The following DNAAF9 variants were observed in gnomAD, a reference collection of about 807,000 sequenced individuals.
DNAAF9 encodes the protein shulin.
A neutral mutation model predicts 167.0 loss-of-function variants in DNAAF9; 90 were observed. The observed-to-expected ratio is 0.54, with a 90% CI of 0.45 to 0.64. DNAAF9 has a LOEUF of 0.64. DNAAF9 is among the 30% of genes least tolerant of loss of function. DNAAF9 has a pLI of 0.00. For missense variants in DNAAF9, 1,315 were observed against 1,442.2 expected (o/e 0.91, Z 1.43); for synonymous variants, 491 against 508.8 (o/e 0.96, Z 0.47).
intron 29 of DNAAF9, among the ~76,000 whole-genome samples, chr20:3,276,094 G>A (rs2068671576): frequency 6.6e-6 from 1 of 152,160 alleles, no homozygotes; most frequent in South Asian, 2.1e-4. Context: ...TTTTCTAACT[G>A]GAAAATAATC....
chr20:3,308,951 T>G (rs367669647), intron 20 of DNAAF9, among the ~76,000 whole-genome samples: 1 of 152,174 alleles, frequency 6.6e-6, no homozygotes, highest in African/African-American at 2.4e-5. Context: ...CCCACATTCA[T>G]GACCTCATCT....
At chr20:3,365,543 C>T (rs1184375432) in intron 6 of DNAAF9, among the ~76,000 whole-genome samples, 1 of 152,202 alleles carries the variant, frequency 6.6e-6, no homozygotes, top group Admixed American at 6.5e-5. Flanking sequence ...AGGGGCATAC[C>T]ACCATGCCCA....
At chr20:3,271,709 C>A (rs148004164) in intron 29 of DNAAF9, among the ~76,000 whole-genome samples, 2 of 151,666 alleles carry the variant, frequency 1.3e-5, no homozygotes. Context: ...ACAGTCTCCA[C>A]CTCCCATGTT....
At chr20:3,284,626 T>C (rs2068820329) in intron 27 of DNAAF9, among the ~76,000 whole-genome samples, 1 of 152,232 alleles carries the variant, frequency 6.6e-6, no homozygotes, top group Admixed American at 6.5e-5. Flanking sequence ...CTTAACTTTC[T>C]TTTCTCTGAA....
intron 1 of DNAAF9, among the ~76,000 whole-genome samples, 186 bp downstream of exon 1, chr20:3,407,289 G>A (rs1325589617): frequency 1.3e-5 from 2 of 152,220 alleles, no homozygotes; most frequent in African/African-American, 4.8e-5. Context: ...GTTGTCCAAA[G>A]GGGAGCCATT....
At chr20:3,393,434 C>T (rs1224030004) in intron 1 of DNAAF9, among the ~76,000 whole-genome samples, 1 of 152,096 alleles carries the variant, frequency 6.6e-6, no homozygotes, top group Non-Finnish European at 1.5e-5. Context: ...ACTGCTTGAG[C>T]CCAGGAGGTT....
intron 12 of DNAAF9, among the ~76,000 whole-genome samples, chr20:3,327,315 C>G (rs1180337314): frequency 6.6e-6 from 1 of 152,072 alleles, no homozygotes; most frequent in Non-Finnish European, 1.5e-5. Flanking sequence ...TGGTAGCATT[C>G]CAGTTGTGAT....
At chr20:3,369,809 T>C (rs1426977196) in intron 6 of DNAAF9, among the ~76,000 whole-genome samples, 1 of 152,252 alleles carries the variant, frequency 6.6e-6, no homozygotes, top group East Asian at 1.9e-4. Context: ...TTATCAATTA[T>C]GATTTCCTAG....
At chr20:3,328,483 G>A (rs1347471083) in intron 12 of DNAAF9, among the ~76,000 whole-genome samples, 1 of 152,038 alleles carries the variant, frequency 6.6e-6, no homozygotes, top group Non-Finnish European at 1.5e-5. Flanking sequence ...CACTGCACCC[G>A]GCCTCTGTTG....
intron 8 of DNAAF9, 80 bp from the exon 9 acceptor site, chr20:3,343,811 G>A (rs2070133992): frequency 2.2e-5 from 22 of 1,004,422 alleles, no homozygotes; most frequent in Non-Finnish European, 3.5e-5. Context: ...ATGTATGTAT[G>A]TACACACATG....
At chr20:3,296,202 A>G in intron 23 of DNAAF9, 1 of 543,814 alleles carries the variant, frequency 1.8e-6, no homozygotes, top group South Asian at 1.5e-5. Context: ...CTAGGAGGTC[A>G]AGGCTGCAGT....
chr20:3,401,488 C>T lies in DNAAF9; in HGVS notation c.83+5987G>A, dbSNP rs539639270. The stretch of plus-strand genomic sequence containing the variant: ...GTGCCGGGATTACAGGCATAAGCCA[C>T]AGCACCCGGCTGATGAACCACTTTC... On this transcript the variant is annotated intron_variant, in intron 1 of 36. Coordinates refer to ENST00000252032, the MANE Select transcript of DNAAF9 (RefSeq NM_001009984.3). Among the ~76,000 whole-genome samples the T allele has an allele frequency of 5.3e-5, 8 of 152,340 alleles. No individual in the cohort carries two copies. In the South Asian group the frequency reaches 6.2e-4, roughly 12 times the overall value.
At chr20:3,314,210 A>C (rs1158189024) in intron 20 of DNAAF9, among the ~76,000 whole-genome samples, 1 of 152,042 alleles carries the variant, frequency 6.6e-6, no homozygotes, top group East Asian at 1.9e-4. Flanking sequence ...GAGATTTTAG[A>C]TATTTAAGCC....
chr20:3,327,175 C>A (rs759260156), intron 12 of DNAAF9, among the ~76,000 whole-genome samples: 28 of 152,268 alleles, frequency 1.8e-4, no homozygotes, highest in Non-Finnish European at 3.8e-4. Flanking sequence ...TTCAGGGAAC[C>A]ACCTAAGGTG....
chr20:3,364,307 T>A (rs780581508), intron 6 of DNAAF9, among the ~76,000 whole-genome samples: 1 of 152,220 alleles, frequency 6.6e-6, no homozygotes, highest in Non-Finnish European at 1.5e-5. Flanking sequence ...CCAGACACCA[T>A]GAATTTTACC....
chr20:3,276,680 G>C (rs1304044117), intron 29 of DNAAF9, among the ~76,000 whole-genome samples: 1 of 152,208 alleles, frequency 6.6e-6, no homozygotes, highest in African/African-American at 2.4e-5. Context: ...CAAAAAAGAA[G>C]AGGGACACTG....
At chr20:3,258,763 A>G (rs2068326376) in intron 33 of DNAAF9, among the ~76,000 whole-genome samples, 1 of 152,074 alleles carries the variant, frequency 6.6e-6, no homozygotes, top group Non-Finnish European at 1.5e-5. Context: ...TTATACAGCC[A>G]ACACCTGCTA....
At chr20:3,254,751 G>A (rs2068249386) in intron 35 of DNAAF9, among the ~76,000 whole-genome samples, 1 of 152,178 alleles carries the variant, frequency 6.6e-6, no homozygotes, top group Non-Finnish European at 1.5e-5. Flanking sequence ...CAGTGAGCAT[G>A]GCGACTGAAG....
At chr20:3,303,992 T>G (rs2069241391) in intron 21 of DNAAF9, among the ~76,000 whole-genome samples, 1 of 152,204 alleles carries the variant, frequency 6.6e-6, no homozygotes, top group Admixed American at 6.5e-5. Context: ...TCTCCCTCTC[T>G]GGCTCACTTA....
Sources: allele counts gnomAD v4.1 joint callset (sites outside exome capture counted in the v4.1 genomes callset), GRCh38; gene constraint gnomAD v4.1.1; transcripts MANE v1.5; gene names NCBI Gene and HGNC (gene_info 2026-07-23, HGNC 2026-07-21).